THSD4: variants seen among roughly 807,000 people sequenced by gnomAD.
THSD4 encodes thrombospondin type-1 domain-containing protein 4.
Under a neutral mutation model 119.0 loss-of-function variants are expected in THSD4, and 69 were observed. The ratio of observed to expected loss-of-function variants is 0.58; its 90% CI spans 0.48 to 0.71. The LOEUF (loss-of-function observed/expected upper bound fraction) is 0.71, where lower values mean the gene tolerates loss of function less well. Among genes scored for constraint, THSD4 ranks in the 30% least tolerant of loss-of-function variants. THSD4 has a pLI of 0.00. For missense variants in THSD4, 1,393 were observed against 1,391.1 expected, an observed-to-expected ratio of 1.00 and a Z score of -0.02; for synonymous variants, 524 against 540.4, an observed-to-expected ratio of 0.97 and a Z score of 0.42.
chr15:71,732,657 T>A (rs1057301936), intron 10 of THSD4: 4 of 152,246 alleles, frequency 2.6e-5, no homozygotes, highest in Non-Finnish European at 4.4e-5. Flanking sequence ...AGGGAAGTAC[T>A]ATTATTAGCC....
At chr15:71,312,732 C>T (rs1160113468) in intron 6 of THSD4, among the ~76,000 whole-genome samples, 3 of 152,206 alleles carry the variant, frequency 2.0e-5, no homozygotes, top group East Asian at 1.9e-4. Context: ...TAGCACGACT[C>T]GGGCTCCCAC....
chr15:71,749,125 A>G (rs2053397397), intron 14 of THSD4, among the ~76,000 whole-genome samples: 1 of 152,270 alleles, frequency 6.6e-6, no homozygotes, highest in Non-Finnish European at 1.5e-5. Flanking sequence ...AGGAGGATTT[A>G]TATGAAAAGG....
chr15:71,188,888 G>A (rs151283060), intron 3 of THSD4: 2 of 152,614 alleles, frequency 1.3e-5, no homozygotes, highest in African/African-American at 2.4e-5. Context: ...CTCGCCACAG[G>A]GTGTTTATCT....
At chr15:71,714,129 C>A (rs1157377890) in intron 8 of THSD4, among the ~76,000 whole-genome samples, 1 of 152,168 alleles carries the variant, frequency 6.6e-6, no homozygotes, top group Non-Finnish European at 1.5e-5. Flanking sequence ...TACTTTTGCA[C>A]CAACCTTAAT....
intron 7 of THSD4, among the ~76,000 whole-genome samples, chr15:71,516,257 C>T (rs769665057): frequency 1.1e-4 from 17 of 152,172 alleles, no homozygotes; most frequent in Non-Finnish European, 2.2e-4. Flanking sequence ...CATTAACATA[C>T]TTTATTTACT....
At chr15:71,457,925 A>G (rs910541431) in intron 7 of THSD4, among the ~76,000 whole-genome samples, 2 of 152,178 alleles carry the variant, frequency 1.3e-5, no homozygotes, top group African/African-American at 4.8e-5. Flanking sequence ...CAGCGCCATG[A>G]CAATGCCTAG....
chr15:71,529,215 A>G (rs932301522), intron 7 of THSD4, among the ~76,000 whole-genome samples: 5 of 152,218 alleles, frequency 3.3e-5, no homozygotes, highest in South Asian at 2.1e-4. Context: ...CCTGCCCACC[A>G]TCTGAGTTTT....
intron 7 of THSD4, among the ~76,000 whole-genome samples, chr15:71,626,585 C>A (rs867937431): frequency 6.6e-6 from 1 of 152,132 alleles, no homozygotes; most frequent in Admixed American, 6.5e-5. Context: ...ATTTAAATTG[C>A]ATCTTTTGAG....
rs112571516 is a variant in THSD4, at chr15:71,229,001, A to G, written c.464+13602A>G. Among the ~76,000 whole-genome samples the G allele has an allele frequency of 1.9e-3, 288 of 152,298 alleles. 2 individuals are homozygous for G. The highest frequency in any genetic ancestry group is 6.6e-3 in the African/African-American group (275 of 41,578). On this transcript the variant is annotated intron_variant, in intron 4 of 17. Transcript: ENST00000261862. ...CTTTCTCAATTTGGGGGGAAACAAT[A>G]ATTTTTCCCATTTTCCAGTAAGTCC...
chr15:71,465,639 C>A (rs1478242449), intron 7 of THSD4, among the ~76,000 whole-genome samples: 4 of 152,194 alleles, frequency 2.6e-5, no homozygotes, highest in Admixed American at 1.3e-4. Context: ...ACCCAAGTTA[C>A]CTACATATCA....
rs567442219 is a variant in THSD4 at position 71,333,757 on chromosome 15, CATCAA to C, written c.1015+77044_1015+77048del. ...TCCCACTCAGTAAAGGCAGCGTCTG[CATCAA>C]ACACCCAATGTTTAAGGTAGTACCA... is the stretch of plus-strand genomic sequence containing the variant. On this transcript the variant is annotated intron_variant, in intron 6 of 17. Transcript: ENST00000261862. Among the ~76,000 whole-genome samples, 589 of 152,320 alleles carry C rather than the reference CATCAA, an allele frequency of 3.9e-3. 6 individuals carry two copies. The highest frequency in any genetic ancestry group is 0.013 in the African/African-American group (543 of 41,580).
intron 7 of THSD4, among the ~76,000 whole-genome samples, chr15:71,557,334 G>A (rs1432322153): frequency 6.6e-6 from 1 of 151,862 alleles, no homozygotes; most frequent in Non-Finnish European, 1.5e-5. Context: ...AATCCAACTT[G>A]GTTATGATAT....
intron 6 of THSD4, among the ~76,000 whole-genome samples, chr15:71,356,295 G>A (rs905242560): frequency 6.6e-6 from 1 of 152,180 alleles, no homozygotes; most frequent in Admixed American, 6.5e-5. Flanking sequence ...GCCCTTCCAG[G>A]AGCACCTAGC....
chr15:71,589,755 G>A (rs897565953), intron 7 of THSD4, among the ~76,000 whole-genome samples: 2 of 139,282 alleles, frequency 1.4e-5, no homozygotes, highest in African/African-American at 5.0e-5. Flanking sequence ...GTACAATAAT[G>A]TTGCTAGCAG....
At chr15:71,439,613 C>G (rs1354749582) in intron 7 of THSD4, among the ~76,000 whole-genome samples, 1 of 152,152 alleles carries the variant, frequency 6.6e-6, no homozygotes, top group East Asian at 1.9e-4. Flanking sequence ...GGAACCAACC[C>G]AAATGTCCAT....
intron 12 of THSD4, 38 bp from the exon 13 acceptor site, chr15:71,746,799 AG>A: frequency 6.2e-7 from 1 of 1,603,764 alleles, no homozygotes; most frequent in Non-Finnish European, 8.5e-7. Context: ...TGTTGACTGA[AG>A]GTTGTCTCTC....
chr15:71,635,095 C>T (rs2050714162), intron 7 of THSD4, among the ~76,000 whole-genome samples: 1 of 152,146 alleles, frequency 6.6e-6, no homozygotes, highest in Non-Finnish European at 1.5e-5. Flanking sequence ...ATGCATCGGT[C>T]ACATGTATGC....
At chr15:71,255,582 G>A (rs1453160160) in intron 5 of THSD4, among the ~76,000 whole-genome samples, 1 of 152,196 alleles carries the variant, frequency 6.6e-6, no homozygotes, top group Non-Finnish European at 1.5e-5. Context: ...ATCTCTGGGT[G>A]ATTGTTTTGC....
intron 5 of THSD4, among the ~76,000 whole-genome samples, chr15:71,249,792 A>G (rs145531626): frequency 1.1e-4 from 17 of 152,284 alleles, no homozygotes; most frequent in Admixed American, 3.3e-4. Flanking sequence ...CATTCTCTCT[A>G]TAACTCTAAA....
Sources: allele counts gnomAD v4.1 joint callset (sites outside exome capture counted in the v4.1 genomes callset), GRCh38; gene constraint gnomAD v4.1.1; transcripts MANE v1.5; gene names NCBI Gene and HGNC (gene_info 2026-07-23, HGNC 2026-07-21).